RAB11FIP1: variants seen among roughly 807,000 people sequenced by gnomAD.
The protein encoded by RAB11FIP1 is rab11 family-interacting protein 1.
A neutral mutation model predicts 83.1 loss-of-function variants in RAB11FIP1; 49 were observed. The observed-to-expected ratio is 0.59, with a 90% CI of 0.47 to 0.75. The LOEUF (loss-of-function observed/expected upper bound fraction) is 0.75. Among genes scored for constraint, RAB11FIP1 ranks in the 30% least tolerant of loss-of-function variants. The pLI is 0.00. For synonymous variants in RAB11FIP1, 670 were observed against 656.0 expected (o/e 1.02, Z -0.33); for missense variants, 1,536 against 1,598.7 (o/e 0.96, Z 0.67).
chr8:37,896,585 T>C (rs1000646840), intron 1 of RAB11FIP1, among the ~76,000 whole-genome samples: 5 of 152,110 alleles, frequency 3.3e-5, no homozygotes, highest in Non-Finnish European at 7.4e-5. Context: ...GGAGTTATTG[T>C]ATAGGTTTAG....
At position 37,874,899 on chromosome 8, in the gene RAB11FIP1, G is replaced by T. The variant is rs1159655521; in HGVS notation, c.1238C>A (p.Ala413Asp). The T allele has an allele frequency of 1.2e-6, 2 of 1,614,112 alleles. No individual in the cohort carries two copies. Among genetic ancestry groups the T allele is most frequent in the Middle Eastern group, 1.6e-4 (1 of 6,062 alleles). Residue 413 changes from alanine to aspartate, a missense_variant, in exon 3 of 6, where the codon GCC (alanine) becomes GAC (aspartate). Coordinates refer to ENST00000330843, the MANE Select transcript of RAB11FIP1 (RefSeq NM_001002814.3). ...LVSGDLRENM[A>D]PANSEATKEA... is the part of the protein sequence containing the mutation. ...TTTTGTGGCCTCTGAGTTTGCGGGG[G>T]CCATGTTTTCCCTGAGGTCCCCACT...
intron 1 of RAB11FIP1, among the ~76,000 whole-genome samples, chr8:37,890,263 G>A (rs1478388000): frequency 6.6e-6 from 1 of 152,110 alleles, no homozygotes; most frequent in Non-Finnish European, 1.5e-5. Flanking sequence ...ATAACCAGAG[G>A]CCTCTTTAGA....
intron 4 of RAB11FIP1, chr8:37,870,831 A>G: frequency 6.2e-6 from 2 of 321,866 alleles, no homozygotes; most frequent in Non-Finnish European, 1.1e-5. Flanking sequence ...TTTTTAAGTC[A>G]ACTAGAGCCT....
chr8:37,863,122 G>C lies in RAB11FIP1; in HGVS notation c.3634-9C>G, dbSNP rs572629723. 4.9e-5 allele frequency: 78 copies of C among 1,604,494 alleles called. No homozygotes were observed. The highest frequency in any genetic ancestry group is 9.4e-5 in the African/African-American group (7 of 74,628). On this transcript the variant is annotated splice_polypyrimidine_tract_variant and intron_variant, in intron 5 of 5. Coordinates refer to ENST00000330843, the MANE Select transcript of RAB11FIP1 (RefSeq NM_001002814.3). ...TCCGAGGGGCTGTATTTCTTTGGAGGGGGGGAAATAGTTGGGAAAAAGGAG... is the reference window on the plus strand; with the variant it reads ...TCCGAGGGGCTGTATTTCTTTGGAGCGGGGGAAATAGTTGGGAAAAAGGAG...
intron 1 of RAB11FIP1, among the ~76,000 whole-genome samples, chr8:37,885,747 C>T (rs374528946): frequency 1.3e-5 from 2 of 152,302 alleles, no homozygotes; most frequent in East Asian, 1.9e-4. Context: ...CTGGGAAGCC[C>T]GTGCCTGCAT....
At chr8:37,870,378 T>C (rs1374396229) in intron 5 of RAB11FIP1, 42 bp downstream of exon 5, 1 of 1,180,564 alleles carries the variant, frequency 8.5e-7, no homozygotes, top group South Asian at 1.2e-5. Context: ...ACGGGTGTTC[T>C]GTCAATCCCT....
Position 37,874,928 on chromosome 8 carries a change from C to A in RAB11FIP1, c.1209G>T (p.Leu403=), listed in dbSNP as rs1309010025. Residue 403 remains leucine, a synonymous_variant, in exon 3 of 6, where the codon CTG becomes CTT. Coordinates refer to ENST00000330843, the MANE Select transcript of RAB11FIP1 (RefSeq NM_001002814.3). The stretch of plus-strand genomic sequence containing the variant: ...TGTTTTCCCTGAGGTCCCCACTGAC[C>A]AGTGGGGCAGGTCGGTAGGACGGCA... ...MTLPSYRPAP[L]VSGDLRENMA... 1.2e-6 allele frequency: 2 copies of A among 1,614,130 alleles called. No homozygotes were observed. Among genetic ancestry groups the A allele is most frequent in the Non-Finnish European group, 1.7e-6 (2 of 1,180,018 alleles).
chr8:37,866,973 G>C (rs572453481), intron 5 of RAB11FIP1, among the ~76,000 whole-genome samples: 1 of 152,336 alleles, frequency 6.6e-6, no homozygotes, highest in East Asian at 1.9e-4. Context: ...AGCAAAATAA[G>C]CAGCAGTTGC....
chr8:37,873,871 A>ATGTG lies in RAB11FIP1; in HGVS notation c.1622+640_1622+643dup, dbSNP rs10678344. ...AGGAACAGTGTGTATGTGTGTGTATATGTGTGTGTGTGTGTGTGTGCATGT... is the reference window on the plus strand; with the variant it reads ...AGGAACAGTGTGTATGTGTGTGTATATGTGTGTGTGTGTGTGTGTGTGTGCATGT... On this transcript the variant is annotated intron_variant, in intron 3 of 5. Transcript: ENST00000330843. Among the ~76,000 whole-genome samples, 949 of 149,558 alleles carry ATGTG rather than the reference A, an allele frequency of 6.3e-3. 7 individuals carry two copies. The highest frequency in any genetic ancestry group is 0.021 in the African/African-American group (845 of 40,824).
At position 37,872,076 on chromosome 8, in the gene RAB11FIP1, G is replaced by A; in HGVS notation, c.2726C>T (p.Pro909Leu). 2 of 1,614,144 alleles carry A rather than the reference G, an allele frequency of 1.2e-6. No individual in the cohort carries two copies. The highest frequency in any genetic ancestry group is 1.6e-4 in the Middle Eastern group (1 of 6,062). Residue 909 changes from proline (P) to leucine (L), a missense_variant, in exon 4 of 6, where the codon CCA becomes CTA. Coordinates refer to ENST00000330843, the MANE Select transcript of RAB11FIP1 (RefSeq NM_001002814.3). The stretch of plus-strand genomic sequence containing the variant: ...ATCCTCTCCCTCCATCCTAAAGAGT[G>A]GAGTGTCTTTCGCTGAGCTTGCTTC... The part of the protein sequence containing the change: ...MSEASSAKDT[P>L]LFRMEGEDAL...
At chr8:37,881,943 G>A (rs890911355) in intron 1 of RAB11FIP1, among the ~76,000 whole-genome samples, 12 of 152,172 alleles carry the variant, frequency 7.9e-5, no homozygotes, top group African/African-American at 2.7e-4. Flanking sequence ...TCTTCTGACA[G>A]TCATGTGGTA....
chr8:37,883,675 T>C (rs772876089), intron 1 of RAB11FIP1, among the ~76,000 whole-genome samples: 2 of 152,164 alleles, frequency 1.3e-5, no homozygotes, highest in Non-Finnish European at 2.9e-5. Context: ...TGCCCATGTG[T>C]TTTTCAGTTC....
intron 5 of RAB11FIP1, among the ~76,000 whole-genome samples, chr8:37,866,439 G>A (rs899880882): frequency 6.6e-6 from 1 of 152,048 alleles, no homozygotes; most frequent in Non-Finnish European, 1.5e-5. Context: ...AGAAAGAATG[G>A]TGCCCATTGT....
Position 37,877,015 on chromosome 8 carries a change from C to T in RAB11FIP1, c.814+94G>A, listed in dbSNP as rs769065988. 46 of 944,828 alleles carry T rather than the reference C, an allele frequency of 4.9e-5. No individual in the cohort carries two copies. In the Middle Eastern group the frequency reaches 7.3e-4, roughly 15 times the overall value. The allele number at this position is 944,828 out of a possible 1,614,324, so 58.5% of individuals were successfully genotyped here. A position where few individuals can be genotyped will look rare whatever the true frequency, so the allele number is the denominator to read the frequency against. On this transcript the variant is annotated intron_variant, in intron 2 of 5. Transcript: ENST00000330843. ...TTTGTAATTGAGGAATTGAATTAAA[C>T]TCTTTCTCTTGAGATTTGTCTGTTT...
chr8:37,890,482 C>G (rs1352611223), intron 1 of RAB11FIP1, among the ~76,000 whole-genome samples: 1 of 152,182 alleles, frequency 6.6e-6, no homozygotes, highest in African/African-American at 2.4e-5. Context: ...CTAAATGTGT[C>G]CCCCAGGAAC....
At chr8:37,882,145 G>T (rs1343907483) in intron 1 of RAB11FIP1, among the ~76,000 whole-genome samples, 1 of 152,110 alleles carries the variant, frequency 6.6e-6, no homozygotes, top group Non-Finnish European at 1.5e-5. Context: ...TCTTCCACAC[G>T]GGCCCTTCTA....
In RAB11FIP1 at chr8:37,899,455, C is replaced by T; in HGVS notation, c.-14G>A. The T allele has an allele frequency of 6.7e-7, 1 of 1,503,104 alleles. No homozygotes were observed. The highest frequency in any genetic ancestry group is 1.3e-5 in the South Asian group (1 of 76,254). 93.1% of individuals were successfully genotyped at this position (1,503,104 alleles called of 1,614,324 possible). A position where few individuals can be genotyped will look rare whatever the true frequency, so the allele number is the denominator to read the frequency against. On this transcript the variant is annotated 5_prime_UTR_variant, in exon 1 of 6. In the 5' UTR this introduces an upstream ATG that the reference lacks. Transcript: ENST00000330843. The surrounding 1 kb of genome is among the most constrained non-coding windows in gnomAD (Gnocchi z 4.5). ...CATTAGGGACATGGTGACGATAACACTCCAGAAGCGAGGAGAAGATCGCCG... is the reference window on the plus strand; with the variant it reads ...CATTAGGGACATGGTGACGATAACATTCCAGAAGCGAGGAGAAGATCGCCG...
chr8:37,866,529 T>C (rs1306679460), intron 5 of RAB11FIP1, among the ~76,000 whole-genome samples: 1 of 152,106 alleles, frequency 6.6e-6, no homozygotes, highest in Admixed American at 6.6e-5. Flanking sequence ...CAAATGTACA[T>C]CCAACTTTTT....
In RAB11FIP1 at chr8:37,896,082, G is replaced by A. The variant is rs866075256; in HGVS notation, c.371+2989C>T. Among the ~76,000 whole-genome samples the A allele has an allele frequency of 4.4e-4, 67 of 152,118 alleles. 3 individuals are homozygous for A. The highest frequency in any genetic ancestry group is 1.5e-3 in the African/African-American group (62 of 41,504). On this transcript the variant is annotated intron_variant, in intron 1 of 5. Transcript: ENST00000330843. The stretch of plus-strand genomic sequence containing the variant: ...CCTAGCACTTTGGGAGGCTGAGGCG[G>A]GTGGATCACCTGAGGTCAGGAGTTC...
Sources: gnomAD v4.1 joint callset for allele counts (sites outside exome capture counted in the v4.1 genomes callset) on GRCh38, gnomAD v4.1.1 for gene constraint, Gnocchi (gnomAD v3.1) non-coding constraint, MANE v1.5 for transcripts, NCBI Gene and HGNC (gene_info 2026-07-23, HGNC 2026-07-21) for gene names.